SLC36A1: variants seen among roughly 807,000 people sequenced by gnomAD.
SLC36A1 encodes the protein proton-coupled amino acid transporter 1.
A neutral mutation model predicts 47.5 loss-of-function variants in SLC36A1; 30 were observed. The observed-to-expected ratio is 0.63, with a 90% confidence interval of 0.47 to 0.86. The LOEUF is 0.86. Among genes scored for constraint, SLC36A1 ranks in the 40% least tolerant of loss-of-function variants. The pLI is 0.00. For missense variants in SLC36A1, 517 were observed against 606.0 expected (o/e 0.85, Z 1.54); for synonymous variants, 255 against 249.7 (o/e 1.02, Z -0.20).
chr5:151,414,143 A>G, the SLC36A1 span, among the ~76,000 whole-genome samples: 2 of 152,226 alleles, frequency 1.3e-5, no homozygotes, highest in African/African-American at 2.4e-5. Context: ...AAAACTATAA[A>G]TATATTTAAA....
the SLC36A1 span, among the ~76,000 whole-genome samples, chr5:151,389,631 T>C: frequency 6.8e-6 from 1 of 146,812 alleles, no homozygotes; most frequent in African/African-American, 2.5e-5. Flanking sequence ...ATTGTTCAAT[T>C]CCCACCATTG....
At chr5:151,528,417 A>G in the SLC36A1 span, among the ~76,000 whole-genome samples, 1 of 152,212 alleles carries the variant, frequency 6.6e-6, no homozygotes, top group African/African-American at 2.4e-5. Context: ...AGGAAGTTTA[A>G]TGTCTAATTT....
the SLC36A1 span, chr5:151,546,134 A>G: frequency 6.2e-7 from 1 of 1,614,174 alleles, no homozygotes; most frequent in Non-Finnish European, 8.5e-7. Context: ...TCTACAAAGT[A>G]CTCAGATTTT....
chr5:151,481,136 C>T (rs1355074227), intron 10 of SLC36A1, among the ~76,000 whole-genome samples: 1 of 152,226 alleles, frequency 6.6e-6, no homozygotes, highest in Non-Finnish European at 1.5e-5. Flanking sequence ...TCCTTAGATG[C>T]CTCTTGGATT....
intron 8 of SLC36A1, among the ~76,000 whole-genome samples, chr5:151,474,392 G>A (rs950692851): frequency 1.3e-5 from 2 of 152,016 alleles, no homozygotes; most frequent in Non-Finnish European, 2.9e-5. Flanking sequence ...GACTGACATG[G>A]GGGTAAGTCC....
At chr5:151,393,605 C>A in the SLC36A1 span, among the ~76,000 whole-genome samples, 1 of 152,156 alleles carries the variant, frequency 6.6e-6, no homozygotes, top group South Asian at 2.1e-4. Context: ...CTGGTGATGA[C>A]TAAATCTCTC....
chr5:151,406,972 C>T, the SLC36A1 span, among the ~76,000 whole-genome samples: 1 of 152,164 alleles, frequency 6.6e-6, no homozygotes, highest in Non-Finnish European at 1.5e-5. Flanking sequence ...GTCTTGCTGA[C>T]TTCAGGAGTG....
chr5:151,454,278 A>G (rs1257656563), intron 1 of SLC36A1, among the ~76,000 whole-genome samples: 1 of 152,074 alleles, frequency 6.6e-6, no homozygotes, highest in African/African-American at 2.4e-5. Flanking sequence ...AACAGGTACT[A>G]TTAAAATCTC....
At chr5:151,446,668 G>T (rs938287298), upstream of SLC36A1, among the ~76,000 whole-genome samples, 1 of 152,098 alleles carries the variant, frequency 6.6e-6, no homozygotes, top group Non-Finnish European at 1.5e-5. Context: ...TAAATTTAAG[G>T]CTTGTTTTTT....
intron 7 of SLC36A1, among the ~76,000 whole-genome samples, chr5:151,468,264 AAAATATATATAT>A (rs1354678217): frequency 7.6e-5 from 6 of 78,702 alleles, no homozygotes; most frequent in African/African-American, 4.1e-4. Flanking sequence ...AAAAAAAAAA[AAAATATATATAT>A]ATATATATAT....
downstream of SLC36A1, among the ~76,000 whole-genome samples, chr5:151,493,974 T>C (rs1051287932): frequency 1.3e-5 from 2 of 152,190 alleles, no homozygotes; most frequent in Non-Finnish European, 2.9e-5. Flanking sequence ...TGCACTGATG[T>C]CTTGCTCACT....
the SLC36A1 span, among the ~76,000 whole-genome samples, chr5:151,430,513 A>G: frequency 6.6e-6 from 1 of 151,930 alleles, no homozygotes; most frequent in Non-Finnish European, 1.5e-5. Flanking sequence ...TTTAGTAGAG[A>G]TGGGGTTTCA....
At chr5:151,416,805 C>T in the SLC36A1 span, among the ~76,000 whole-genome samples, 1 of 152,118 alleles carries the variant, frequency 6.6e-6, no homozygotes, top group Non-Finnish European at 1.5e-5. Context: ...ATTGTAAACC[C>T]CAAAATCTCC....
the SLC36A1 span, among the ~76,000 whole-genome samples, chr5:151,414,264 G>A: frequency 6.6e-6 from 1 of 152,144 alleles, no homozygotes; most frequent in Non-Finnish European, 1.5e-5. Context: ...TTGGATACGT[G>A]GAGATGAGAG....
At chr5:151,418,113 G>A in the SLC36A1 span, among the ~76,000 whole-genome samples, 2 of 152,262 alleles carry the variant, frequency 1.3e-5, no homozygotes, top group Non-Finnish European at 2.9e-5. Flanking sequence ...TGAGGTTTGG[G>A]AACCTCTGCT....
the SLC36A1 span, chr5:151,522,062 G>A: frequency 3.0e-5 from 48 of 1,596,822 alleles, 1 homozygote; most frequent in South Asian, 5.2e-4. Flanking sequence ...AAAGACGAGA[G>A]GGGAGGGATG....
intron 2 of SLC36A1, among the ~76,000 whole-genome samples, chr5:151,461,438 C>G (rs991823523): frequency 1.8e-4 from 27 of 152,092 alleles, no homozygotes; most frequent in Non-Finnish European, 3.2e-4. Context: ...ATATATCAAG[C>G]CTCCGTGCTT....
At chr5:151,382,235 C>T in the SLC36A1 span, 1 of 1,311,798 alleles carries the variant, frequency 7.6e-7, no homozygotes, top group Non-Finnish European at 1.1e-6. Flanking sequence ...GCGGGTCACT[C>T]ATCGAGACTC....
At chr5:151,477,272 G>A (rs545877139) in intron 9 of SLC36A1, among the ~76,000 whole-genome samples, 1 of 152,276 alleles carries the variant, frequency 6.6e-6, no homozygotes, top group Admixed American at 6.5e-5. Flanking sequence ...ATGTCCCAGG[G>A]CATGTGCAGA....
Sources: gnomAD v4.1 joint callset for allele counts (sites outside exome capture counted in the v4.1 genomes callset) on GRCh38, gnomAD v4.1.1 for gene constraint, MANE v1.5 for transcripts, NCBI Gene and HGNC (gene_info 2026-07-23, HGNC 2026-07-21) for gene names.